Variants in SPAG16 observed in about 807,000 individuals in gnomAD.
The protein encoded by SPAG16 is sperm-associated antigen 16 protein.
In SPAG16, 86 loss-of-function variants were observed where a neutral mutation model predicts 80.4. The ratio of observed to expected loss-of-function variants is 1.07; its 90% CI spans 0.90 to 1.28. The LOEUF (loss-of-function observed/expected upper bound fraction) is 1.28. Ranked by LOEUF, SPAG16 falls within the 50% of genes most tolerant of loss-of-function variation. The probability of loss-of-function intolerance (pLI) is 0.00; values close to 1 mark genes in which losing one functional copy is unlikely to be tolerated. For missense variants in SPAG16, 870 were observed against 765.3 expected (o/e 1.14, Z -1.61); for synonymous variants, 294 against 265.9 (o/e 1.11, Z -1.03).
At chr2:213,601,917 G>C (rs1281395259) in intron 10 of SPAG16, among the ~76,000 whole-genome samples, 1 of 152,186 alleles carries the variant, frequency 6.6e-6, no homozygotes, top group Non-Finnish European at 1.5e-5. Context: ...GGTGGGGGAT[G>C]GTTTCTGGAT....
chr2:213,775,883 T>C (rs1365399791), intron 10 of SPAG16, among the ~76,000 whole-genome samples: 1 of 152,238 alleles, frequency 6.6e-6, no homozygotes, highest in Non-Finnish European at 1.5e-5. Context: ...AGAAACACAA[T>C]GTACAAACTC....
chr2:214,101,019 G>A (rs2052979934), intron 13 of SPAG16, among the ~76,000 whole-genome samples: 1 of 152,064 alleles, frequency 6.6e-6, no homozygotes, highest in Non-Finnish European at 1.5e-5. Flanking sequence ...AAATTCATAA[G>A]CATTAGCACT....
chr2:213,938,117 A>G (rs895328010), intron 12 of SPAG16, among the ~76,000 whole-genome samples: 1 of 151,904 alleles, frequency 6.6e-6, no homozygotes, highest in Non-Finnish European at 1.5e-5. Flanking sequence ...ATATATATAT[A>G]TATTTTATAA....
chr2:213,916,906 C>T (rs2077997880), intron 11 of SPAG16, among the ~76,000 whole-genome samples: 1 of 152,164 alleles, frequency 6.6e-6, no homozygotes. Flanking sequence ...AGGTTATCTT[C>T]CAGGGTGTTT....
chr2:213,523,304 T>C (rs941441681), intron 10 of SPAG16, among the ~76,000 whole-genome samples: 4 of 152,208 alleles, frequency 2.6e-5, no homozygotes, highest in African/African-American at 7.2e-5. Flanking sequence ...TCCACCATGA[T>C]TGTAAGTTTC....
intron 10 of SPAG16, among the ~76,000 whole-genome samples, chr2:213,728,919 A>G (rs949719848): frequency 7.4e-6 from 1 of 134,958 alleles, no homozygotes; most frequent in East Asian, 2.2e-4. Flanking sequence ...AAAAAAAAAA[A>G]AAGATGATGG....
intron 10 of SPAG16, among the ~76,000 whole-genome samples, chr2:213,859,476 C>A (rs533621445): frequency 1.3e-5 from 2 of 152,078 alleles, no homozygotes; most frequent in African/African-American, 2.4e-5. Context: ...AATACACTGG[C>A]AATTTCTAAA....
chr2:213,793,221 C>A (rs919874478), intron 10 of SPAG16, among the ~76,000 whole-genome samples: 8 of 151,998 alleles, frequency 5.3e-5, no homozygotes. Context: ...AGCCACCGCG[C>A]GGCCTTATCT....
At chr2:213,419,155 T>C (rs2069443277) in intron 9 of SPAG16, among the ~76,000 whole-genome samples, 1 of 141,364 alleles carries the variant, frequency 7.1e-6, no homozygotes, top group Admixed American at 7.1e-5. Flanking sequence ...TACCTGTTTT[T>C]TTCCTAGTGC....
Position 213,670,527 on chromosome 2 carries a change from G to T in SPAG16, c.1070+180437G>T, listed in dbSNP as rs867266042. On this transcript the variant is annotated intron_variant, in intron 10 of 15. Coordinates refer to ENST00000331683, the MANE Select transcript of SPAG16 (RefSeq NM_024532.5). ...TTTGTGATTTTTTTTTTCCTAAAAG[G>T]ATGATTTAAAAATTATCTTTTGACT... Among the ~76,000 whole-genome samples, 10 of 151,574 alleles carry T rather than the reference G, an allele frequency of 6.6e-5. No individual in the cohort carries two copies. In the Middle Eastern group the frequency reaches 0.024, roughly 363 times the overall value.
chr2:214,283,695 A>G (rs1389982113), intron 15 of SPAG16, among the ~76,000 whole-genome samples: 2 of 152,200 alleles, frequency 1.3e-5, no homozygotes, highest in Non-Finnish European at 2.9e-5. Context: ...TTCTGCTGAT[A>G]TTGGCAGAAT....
At chr2:213,662,546 T>C (rs1036267786) in intron 10 of SPAG16, among the ~76,000 whole-genome samples, 3 of 152,130 alleles carry the variant, frequency 2.0e-5, no homozygotes, top group Admixed American at 6.6e-5. Flanking sequence ...ATTAAAATCT[T>C]TGCAGTATCT....
At chr2:214,211,969 G>A (rs1377728793) in intron 15 of SPAG16, among the ~76,000 whole-genome samples, 1 of 152,126 alleles carries the variant, frequency 6.6e-6, no homozygotes, top group Non-Finnish European at 1.5e-5. Context: ...GGGCTACTGT[G>A]ACACTTGGTG....
At chr2:213,305,053 A>T (rs951256919) in intron 3 of SPAG16, among the ~76,000 whole-genome samples, 1 of 152,038 alleles carries the variant, frequency 6.6e-6, no homozygotes, top group Non-Finnish European at 1.5e-5. Context: ...GATTTCTTTC[A>T]TCAGTATTTT....
chr2:213,792,206 A>C (rs1309149683), intron 10 of SPAG16, among the ~76,000 whole-genome samples: 1 of 152,246 alleles, frequency 6.6e-6, no homozygotes, highest in East Asian at 1.9e-4. Flanking sequence ...AAGTACATAA[A>C]ATAAAAGTGC....
chr2:213,911,513 A>C (rs2077664738), intron 11 of SPAG16, among the ~76,000 whole-genome samples: 1 of 152,224 alleles, frequency 6.6e-6, no homozygotes, highest in Admixed American at 6.5e-5. Flanking sequence ...GCACATGAAG[A>C]GCATGTAATA....
At chr2:213,928,651 G>A (rs1201833005) in intron 11 of SPAG16, among the ~76,000 whole-genome samples, 1 of 152,098 alleles carries the variant, frequency 6.6e-6, no homozygotes, top group Non-Finnish European at 1.5e-5. Context: ...ATGCTTGCAT[G>A]CATTTCTATA....
chr2:214,318,373 CTT>C (rs34923875), intron 15 of SPAG16, among the ~76,000 whole-genome samples: 3,143 of 69,726 alleles, frequency 0.045, 41 homozygotes, highest in African/African-American at 0.14. Context: ...AGAGTGAATT[CTT>C]TTTTTTTTTT....
intron 13 of SPAG16, among the ~76,000 whole-genome samples, chr2:214,060,286 G>A (rs2050189060): frequency 6.6e-6 from 1 of 152,162 alleles, no homozygotes; most frequent in Non-Finnish European, 1.5e-5. Flanking sequence ...GAGGAAGAAG[G>A]AGCCAGGGAT....
Sources: allele counts gnomAD v4.1 joint callset (sites outside exome capture counted in the v4.1 genomes callset), GRCh38; gene constraint gnomAD v4.1.1; transcripts MANE v1.5; gene names NCBI Gene and HGNC (gene_info 2026-07-23, HGNC 2026-07-21).